The following POMT2 variants were observed in gnomAD, a reference collection of about 807,000 sequenced individuals.
POMT2 encodes protein O-mannosyl-transferase 2.
Under a neutral mutation model 100.0 loss-of-function variants are expected in POMT2, and 75 were observed. The ratio of observed to expected loss-of-function variants is 0.75; its 90% CI spans 0.62 to 0.91. The LOEUF is 0.91. POMT2 is among the 40% of genes least tolerant of loss of function. POMT2 has a pLI of 0.00. For synonymous variants in POMT2, 378 were observed against 374.1 expected, an observed-to-expected ratio of 1.01 and a Z score of -0.12; for missense variants, 940 against 955.1, an observed-to-expected ratio of 0.98 and a Z score of 0.21.
intron 20 of POMT2, among the ~76,000 whole-genome samples, chr14:77,277,707 C>T (rs1890023877): frequency 2.0e-5 from 3 of 152,218 alleles, no homozygotes; most frequent in African/African-American, 7.2e-5. Flanking sequence ...CCAAGAGGCC[C>T]AGGAGGGCAA....
At chr14:77,295,268 T>A (rs1423730582) in intron 9 of POMT2, among the ~76,000 whole-genome samples, 1 of 152,118 alleles carries the variant, frequency 6.6e-6, no homozygotes, top group Non-Finnish European at 1.5e-5. Context: ...GCACTTCACA[T>A]TGTTATCTCA....
intron 1 of POMT2, 25 bp from the exon 2 acceptor site, chr14:77,312,058 C>A (rs1891455073): frequency 6.2e-7 from 1 of 1,611,696 alleles, no homozygotes; most frequent in Non-Finnish European, 8.5e-7. Flanking sequence ...GAAAGAGAAA[C>A]AAGAATTTTA....
chr14:77,282,943 T>C (rs1890284483), intron 15 of POMT2, among the ~76,000 whole-genome samples: 1 of 152,202 alleles, frequency 6.6e-6, no homozygotes, highest in Non-Finnish European at 1.5e-5. Flanking sequence ...GAACACAGGT[T>C]TTCCATAAGC....
chr14:77,313,385 T>C (rs980630450), intron 1 of POMT2, among the ~76,000 whole-genome samples: 3 of 152,202 alleles, frequency 2.0e-5, no homozygotes, highest in Non-Finnish European at 4.4e-5. Flanking sequence ...AGCAGGGTAA[T>C]GAAACTGATT....
At chr14:77,288,091 GT>G (rs1277610990) in intron 11 of POMT2, among the ~76,000 whole-genome samples, 5 of 152,212 alleles carry the variant, frequency 3.3e-5, no homozygotes, top group Admixed American at 6.5e-5. Context: ...GTGAGCCTAG[GT>G]TTGACTTTAA....
intron 15 of POMT2, among the ~76,000 whole-genome samples, 183 bp from the exon 16 acceptor site, chr14:77,280,646 C>T (rs954720185): frequency 3.9e-5 from 6 of 152,154 alleles, no homozygotes; most frequent in Non-Finnish European, 8.8e-5. Flanking sequence ...CTTTACTTCT[C>T]CCAGACAAGC....
intron 9 of POMT2, among the ~76,000 whole-genome samples, chr14:77,295,604 C>G (rs1360077145): frequency 6.9e-6 from 1 of 145,524 alleles, no homozygotes; most frequent in Non-Finnish European, 1.5e-5. Flanking sequence ...TGCACTCCAG[C>G]CTGGGTGACA....
intron 5 of POMT2, among the ~76,000 whole-genome samples, chr14:77,301,986 C>T (rs538026532): frequency 1.3e-5 from 2 of 152,286 alleles, no homozygotes; most frequent in African/African-American, 4.8e-5. Context: ...CAGCTCCCCG[C>T]ATAGTACCTG....
At chr14:77,299,725 C>A (rs183771146) in intron 6 of POMT2, 164 bp from the exon 7 acceptor site, 42 of 626,582 alleles carry the variant, frequency 6.7e-5, no homozygotes, top group Non-Finnish European at 4.4e-5. Context: ...TTCTGTAACA[C>A]CCACCACCCA....
chr14:77,307,167 C>A (rs754493419), intron 2 of POMT2, among the ~76,000 whole-genome samples: 1 of 152,190 alleles, frequency 6.6e-6, no homozygotes, highest in Non-Finnish European at 1.5e-5. Flanking sequence ...TTCACACAAG[C>A]AATCAGAAGC....
intron 1 of POMT2, 101 bp downstream of exon 1, chr14:77,320,333 T>A (rs1010192107): frequency 2.6e-6 from 4 of 1,531,100 alleles, no homozygotes; most frequent in Non-Finnish European, 3.5e-6. Context: ...ACCGTGGCCC[T>A]CCTCCTATAG....
At chr14:77,308,302 C>T (rs1280279668) in intron 2 of POMT2, among the ~76,000 whole-genome samples, 1 of 149,800 alleles carries the variant, frequency 6.7e-6, no homozygotes, top group African/African-American at 2.4e-5. Flanking sequence ...TACAGTCATG[C>T]AAATGAAAAC....
At chr14:77,303,416 C>T (rs1006667497) in intron 4 of POMT2, among the ~76,000 whole-genome samples, 3 of 152,150 alleles carry the variant, frequency 2.0e-5, no homozygotes, top group Non-Finnish European at 4.4e-5. Context: ...CATGCCCCTG[C>T]TTAAACCCTC....
At chr14:77,283,933 A>G (rs1267536489) in intron 14 of POMT2, 60 bp from the exon 15 acceptor site, 1 of 1,402,696 alleles carries the variant, frequency 7.1e-7, no homozygotes, top group Non-Finnish European at 1.0e-6. Context: ...CAGTCTGTCC[A>G]TGGTGTCCAC....
chr14:77,286,903 A>G, intron 11 of POMT2, 81 bp from the exon 12 acceptor site: 3 of 1,606,106 alleles, frequency 1.9e-6, no homozygotes, highest in Non-Finnish European at 2.6e-6. Flanking sequence ...GGATGTTCAG[A>G]GTCAACTGTC....
At position 77,288,786 on chromosome 14, in the gene POMT2, T is replaced by A. The variant is rs886043224; in HGVS notation, c.1229A>T (p.Asp410Val). The A allele has an allele frequency of 3.7e-6, 6 of 1,613,746 alleles. No homozygotes were observed. Among genetic ancestry groups the A allele is most frequent in the South Asian group, 2.2e-5 (2 of 91,068 alleles). Residue 410 changes from aspartate to valine, a missense_variant, in exon 11 of 21, where the codon GAC (aspartate) becomes GTC (valine). Physicochemically the swap from Asp to Val is radical, Grantham distance 152 (BLOSUM62 -3). Coordinates refer to ENST00000261534, the MANE Select transcript of POMT2 (RefSeq NM_013382.7). ...SFPVEFVRHG[D>V]IIRLEHKETS... Reference sequence around the variant, plus strand: ...CTCTTTGTGTTCTAGTCGAATAATGTCTCCATGTCTTACAAACTCCACTGG... The same window carrying A: ...CTCTTTGTGTTCTAGTCGAATAATGACTCCATGTCTTACAAACTCCACTGG...
chr14:77,314,276 G>A (rs890051345), intron 1 of POMT2, among the ~76,000 whole-genome samples: 4 of 152,136 alleles, frequency 2.6e-5, no homozygotes, highest in Non-Finnish European at 5.9e-5. Context: ...ACTCAGCTGT[G>A]ATGCAAGCTA....
At chr14:77,301,610 G>C (rs965837856) in intron 5 of POMT2, among the ~76,000 whole-genome samples, 2 of 152,194 alleles carry the variant, frequency 1.3e-5, no homozygotes. Context: ...CCTCTCCTTT[G>C]TGTCACCTCT....
At chr14:77,314,104 A>G (rs558906142) in intron 1 of POMT2, among the ~76,000 whole-genome samples, 2 of 152,294 alleles carry the variant, frequency 1.3e-5, no homozygotes, top group East Asian at 1.9e-4. Context: ...TAGGAGAGAC[A>G]GTCCTCCGTG....
Sources: gnomAD v4.1 joint callset for allele counts (sites outside exome capture counted in the v4.1 genomes callset) on GRCh38, gnomAD v4.1.1 for gene constraint, MANE v1.5 for transcripts, NCBI Gene and HGNC (gene_info 2026-07-23, HGNC 2026-07-21) for gene names.